The following EIF2B3 variants were observed in gnomAD, a reference collection of about 807,000 sequenced individuals.
The protein encoded by EIF2B3 is eukaryotic translation initiation factor 2B subunit gamma, also known as translation initiation factor eIF2B subunit gamma.
In EIF2B3, 20 loss-of-function variants were observed where a neutral mutation model predicts 54.1. The ratio of observed to expected loss-of-function variants is 0.37; its 90% CI spans 0.26 to 0.54. The LOEUF is 0.54. EIF2B3 is among the 20% of genes least tolerant of loss of function. EIF2B3 has a pLI of 0.86. For synonymous variants in EIF2B3, 153 were observed against 188.1 expected, an observed-to-expected ratio of 0.81 and a Z score of 1.52; for missense variants, 448 against 547.8, an observed-to-expected ratio of 0.82 and a Z score of 1.82.
chr1:44,964,942 C>G (rs1390241929), intron 3 of EIF2B3, among the ~76,000 whole-genome samples: 1 of 152,168 alleles, frequency 6.6e-6, no homozygotes, highest in Non-Finnish European at 1.5e-5. Context: ...CAGTCTGTTT[C>G]TAAAGCACAC....
intron 5 of EIF2B3, among the ~76,000 whole-genome samples, chr1:44,925,744 T>C (rs1217217285): frequency 6.6e-6 from 1 of 151,686 alleles, no homozygotes; most frequent in Admixed American, 6.6e-5. Flanking sequence ...GCCAATATGG[T>C]GAAACCCCGT....
intron 3 of EIF2B3, among the ~76,000 whole-genome samples, chr1:44,954,703 G>A (rs1302002971): frequency 2.0e-5 from 3 of 152,110 alleles, no homozygotes; most frequent in Non-Finnish European, 4.4e-5. Flanking sequence ...CTTCCTATTT[G>A]AATACCTTTA....
chr1:44,956,584 T>C (rs1009898917), intron 3 of EIF2B3, among the ~76,000 whole-genome samples: 7 of 152,044 alleles, frequency 4.6e-5, no homozygotes, highest in Non-Finnish European at 8.8e-5. Flanking sequence ...AAAATGGATA[T>C]AGAAAATTTA....
intron 6 of EIF2B3, among the ~76,000 whole-genome samples, chr1:44,893,974 G>A (rs1222454440): frequency 6.6e-6 from 1 of 152,172 alleles, no homozygotes; most frequent in Non-Finnish European, 1.5e-5. Flanking sequence ...TTGGCATATT[G>A]CTTGAGTCCT....
intron 3 of EIF2B3, among the ~76,000 whole-genome samples, chr1:44,949,401 G>A (rs979924129): frequency 6.6e-6 from 1 of 152,062 alleles, no homozygotes; most frequent in African/African-American, 2.4e-5. Flanking sequence ...GCTCCATAAG[G>A]AGCCCTTTTA....
intron 4 of EIF2B3, among the ~76,000 whole-genome samples, chr1:44,928,304 G>A (rs1056786648): frequency 2.0e-5 from 3 of 151,932 alleles, no homozygotes; most frequent in Non-Finnish European, 2.9e-5. Flanking sequence ...ATCAGCTGCC[G>A]AGTGTGGTGG....
intron 4 of EIF2B3, among the ~76,000 whole-genome samples, chr1:44,938,696 A>C (rs1643985157): frequency 6.6e-6 from 1 of 152,038 alleles, no homozygotes; most frequent in South Asian, 2.1e-4. Flanking sequence ...CATGTTACCC[A>C]GACTGGTCTC....
intron 8 of EIF2B3, among the ~76,000 whole-genome samples, chr1:44,879,607 A>G (rs149982858): frequency 3.2e-4 from 48 of 152,344 alleles, no homozygotes; most frequent in African/African-American, 1.2e-3. Context: ...CCCTGGAGCC[A>G]TAGAGGCCCT....
chr1:44,985,387 C>T (rs1476316549), intron 1 of EIF2B3, among the ~76,000 whole-genome samples: 2 of 112,312 alleles, frequency 1.8e-5, no homozygotes, highest in Non-Finnish European at 3.5e-5. Flanking sequence ...CTGCCATGTG[C>T]AGATTCTCTT....
intron 3 of EIF2B3, among the ~76,000 whole-genome samples, chr1:44,962,149 G>A (rs1044655421): frequency 2.5e-4 from 38 of 152,104 alleles, no homozygotes; most frequent in Middle Eastern, 6.8e-3. Context: ...CTGAGACTGC[G>A]CCACTGCACT....
At chr1:44,976,672 G>C (rs1029359038) in intron 3 of EIF2B3, among the ~76,000 whole-genome samples, 1 of 152,072 alleles carries the variant, frequency 6.6e-6, no homozygotes, top group African/African-American at 2.4e-5. Context: ...TAGGAGGATA[G>C]ATAAATAAAT....
In EIF2B3 at chr1:44,957,264, GT is replaced by G. The variant is rs1644235836; in HGVS notation, c.295-15600del. On this transcript the variant is annotated intron_variant, in intron 3 of 11. Transcript: ENST00000360403. ...CTAGGCGACAGGGCAAGACCTAAAA[GT>G]TTTCTATGCCCCCAAACACCACAAA... Among the ~76,000 whole-genome samples, 3 of 106,828 alleles carry G rather than the reference GT, an allele frequency of 2.8e-5. No individual in the cohort carries two copies. The South Asian group carries it at 8.4e-4, about 30-fold the overall frequency. 70.1% of individuals were successfully genotyped at this position (106,828 alleles called of 152,430 possible).
At chr1:44,971,768 C>G (rs1050928965) in intron 3 of EIF2B3, among the ~76,000 whole-genome samples, 2 of 152,140 alleles carry the variant, frequency 1.3e-5, no homozygotes, top group Non-Finnish European at 2.9e-5. Flanking sequence ...TGAGGTGGCT[C>G]ATGCCTGTAA....
chr1:44,946,054 CAT>C (rs771971374), intron 3 of EIF2B3, among the ~76,000 whole-genome samples: 1 of 152,168 alleles, frequency 6.6e-6, no homozygotes, highest in Non-Finnish European at 1.5e-5. Context: ...ACAAGTCCTG[CAT>C]AATTGTGAAC....
intron 10 of EIF2B3, among the ~76,000 whole-genome samples, chr1:44,870,673 G>A (rs1002655007): frequency 2.0e-5 from 3 of 146,662 alleles, no homozygotes; most frequent in Non-Finnish European, 4.5e-5. Flanking sequence ...TTTTTTTTGA[G>A]AAAGAGTCTC....
At chr1:44,969,701 C>T (rs1644380991) in intron 3 of EIF2B3, among the ~76,000 whole-genome samples, 6 of 152,090 alleles carry the variant, frequency 3.9e-5, no homozygotes. Flanking sequence ...TGCTGGGTGA[C>T]AGATAAATGG....
At chr1:44,872,181 T>C (rs1292039702) in intron 10 of EIF2B3, among the ~76,000 whole-genome samples, 4 of 152,158 alleles carry the variant, frequency 2.6e-5, no homozygotes, top group Non-Finnish European at 5.9e-5. Flanking sequence ...TACTGATGTA[T>C]GCCACCACTC....
At chr1:44,875,900 T>C (rs909284124) in intron 8 of EIF2B3, among the ~76,000 whole-genome samples, 1 of 152,206 alleles carries the variant, frequency 6.6e-6, no homozygotes, top group Non-Finnish European at 1.5e-5. Context: ...TTCTCCTGCC[T>C]CAGCCTGCCG....
At chr1:44,935,632 T>C (rs1313715572) in intron 4 of EIF2B3, among the ~76,000 whole-genome samples, 1 of 152,190 alleles carries the variant, frequency 6.6e-6, no homozygotes, top group East Asian at 1.9e-4. Flanking sequence ...CCCGAGTAGC[T>C]GGGACTACAG....
Sources: allele counts gnomAD v4.1 joint callset (sites outside exome capture counted in the v4.1 genomes callset), GRCh38; gene constraint gnomAD v4.1.1; transcripts MANE v1.5; gene names NCBI Gene and HGNC (gene_info 2026-07-23, HGNC 2026-07-21).